The following AGAP1 variants were observed in gnomAD, a reference collection of about 807,000 sequenced individuals.
The protein encoded by AGAP1 is ArfGAP with GTPase domain, ankyrin repeat and PH domain 1.
A neutral mutation model predicts 105.3 loss-of-function variants in AGAP1; 29 were observed. The observed-to-expected ratio is 0.28, with a 90% confidence interval of 0.21 to 0.38. The LOEUF (loss-of-function observed/expected upper bound fraction) is 0.38. Among genes scored for constraint, AGAP1 ranks in the 10% least tolerant of loss-of-function variants. The pLI is 1.00. For missense variants in AGAP1, 998 were observed against 1,165.1 expected (o/e 0.86, Z 2.09); for synonymous variants, 509 against 485.9 (o/e 1.05, Z -0.63).
At position 235,719,834 on chromosome 2, in the gene AGAP1, C is replaced by A. The variant is rs552337151; in HGVS notation, c.310+2190C>A. On this transcript the variant is annotated intron_variant, in intron 3 of 17. Coordinates refer to ENST00000304032, the MANE Select transcript of AGAP1 (RefSeq NM_001037131.3). This position sits in a 1 kb window ranked among gnomAD's most constrained non-coding sequence, Gnocchi z 4.9. ...TGTGAGGAGCTGACAGCAGCAGACA[C>A]CCAGGTGCACCCCAGTGGGTGTGTG... 2.0e-5 allele frequency among the ~76,000 whole-genome samples: 3 copies of A among 152,174 alleles called. No individual in the cohort carries two copies. Among genetic ancestry groups the A allele is most frequent in the Admixed American group, 2.0e-4 (3 of 15,282 alleles).
At chr2:235,913,867 G>C (rs2051744646) in intron 11 of AGAP1, among the ~76,000 whole-genome samples, 1 of 152,200 alleles carries the variant, frequency 6.6e-6, no homozygotes, top group African/African-American at 2.4e-5. Context: ...GCTATGAATT[G>C]TGGAGGAAGT....
chr2:235,770,797 T>G (rs761038070), intron 6 of AGAP1, among the ~76,000 whole-genome samples: 3 of 152,184 alleles, frequency 2.0e-5, no homozygotes, highest in Non-Finnish European at 4.4e-5. Context: ...CAGGAATGTC[T>G]GACCCCTGTA....
chr2:235,716,676 T>A lies in AGAP1; in HGVS notation c.223-881T>A, dbSNP rs542583783. Among the ~76,000 whole-genome samples, 24 of 152,078 alleles carry A rather than the reference T, an allele frequency of 1.6e-4. No individual in the cohort carries two copies. The highest frequency in any genetic ancestry group is 2.9e-4 in the Non-Finnish European group (20 of 68,018). ...AGGTTAAAATGCAGGAGATTTTTGA[T>A]GAGCAGCTTCCCAGAGAAGGCGGCA... is the stretch of plus-strand genomic sequence containing the variant. On this transcript the variant is annotated intron_variant, in intron 2 of 17. Coordinates refer to ENST00000304032, the MANE Select transcript of AGAP1 (RefSeq NM_001037131.3). This position sits in a 1 kb window ranked among gnomAD's most constrained non-coding sequence, Gnocchi z 4.0.
At chr2:235,766,585 C>T (rs78957487) in intron 6 of AGAP1, among the ~76,000 whole-genome samples, 2 of 152,144 alleles carry the variant, frequency 1.3e-5, no homozygotes, top group Admixed American at 1.3e-4. Flanking sequence ...AAAAAAGTTT[C>T]ATTCATTGGA....
At chr2:236,066,141 T>G (rs140852867) in intron 16 of AGAP1, among the ~76,000 whole-genome samples, 2 of 152,372 alleles carry the variant, frequency 1.3e-5, no homozygotes, top group East Asian at 3.9e-4. Context: ...CAAATCCGTT[T>G]ACTGACACAT....
At chr2:236,049,672 TC>T (rs60261607) in intron 16 of AGAP1, 79 of 153,620 alleles carry the variant, frequency 5.1e-4, no homozygotes, top group South Asian at 1.4e-3. Context: ...GCTCTGTCGA[TC>T]CCCCCCCCGC....
chr2:236,123,403 A>T lies in AGAP1; in HGVS notation c.2371-516A>T, dbSNP rs1484288656. On this transcript the variant is annotated intron_variant, in intron 17 of 17. Coordinates refer to ENST00000304032, the MANE Select transcript of AGAP1 (RefSeq NM_001037131.3). This position sits in a 1 kb window ranked among gnomAD's most constrained non-coding sequence, Gnocchi z 4.6. ...GATCACAGTATAGTAATCAATAAAA[A>T]ATGAAAAAAATACAAATTATTTGTA... 1.3e-5 allele frequency among the ~76,000 whole-genome samples: 2 copies of T among 152,054 alleles called. No homozygotes were observed. Among genetic ancestry groups the T allele is most frequent in the East Asian group, 3.9e-4 (2 of 5,192 alleles).
intron 1 of AGAP1, among the ~76,000 whole-genome samples, chr2:235,675,863 A>G (rs1311524492): frequency 2.0e-5 from 3 of 152,212 alleles, no homozygotes; most frequent in Non-Finnish European, 4.4e-5. Context: ...TAAGTCATCA[A>G]AGAGACTTGG....
At position 235,845,103 on chromosome 2, in the gene AGAP1, T is replaced by G. The variant is rs1961317979; in HGVS notation, c.1050+37772T>G. Among the ~76,000 whole-genome samples the G allele has an allele frequency of 6.6e-6, 1 of 152,152 alleles. No homozygotes were observed. The highest frequency in any genetic ancestry group is 2.1e-4 in the South Asian group (1 of 4,834). On this transcript the variant is annotated intron_variant, in intron 9 of 17. Coordinates refer to ENST00000304032, the MANE Select transcript of AGAP1 (RefSeq NM_001037131.3). This position sits in a 1 kb window ranked among gnomAD's most constrained non-coding sequence, Gnocchi z 4.8. ...CAAGGCAGCCTCCTAACAAGTCCTGTGTCATCCTGTTTAGCCGTTCGCTCA... is the reference window on the plus strand; with the variant it reads ...CAAGGCAGCCTCCTAACAAGTCCTGGGTCATCCTGTTTAGCCGTTCGCTCA...
chr2:235,797,997 A>C, intron 7 of AGAP1, 111 bp downstream of exon 7: 1 of 1,335,466 alleles, frequency 7.5e-7, no homozygotes, highest in Non-Finnish European at 1.0e-6. Context: ...CTTTATAAGT[A>C]ACAGCATGTT....
chr2:235,613,143 G>A (rs1304632358), intron 1 of AGAP1, among the ~76,000 whole-genome samples: 1 of 151,780 alleles, frequency 6.6e-6, no homozygotes, highest in Admixed American at 6.6e-5. Flanking sequence ...TTACAGGCAG[G>A]CACCACCATG....
Position 235,744,986 on chromosome 2 carries a change from A to G in AGAP1, c.538+147A>G. 1.1e-6 allele frequency: 1 copy of G among 944,978 alleles called. No homozygotes were observed. Among genetic ancestry groups the G allele is most frequent in the Non-Finnish European group, 1.5e-6 (1 of 652,090 alleles). 58.5% of individuals were successfully genotyped at this position (944,978 alleles called of 1,614,324 possible). A position where few individuals can be genotyped will look rare whatever the true frequency, so the allele number is the denominator to read the frequency against. ...TGGGAAAAATTATGGAACTGAAATG[A>G]TCACATTTCCTGATTTGATTCTATG... On this transcript the variant is annotated intron_variant, in intron 5 of 17. Coordinates refer to ENST00000304032, the MANE Select transcript of AGAP1 (RefSeq NM_001037131.3). The surrounding 1 kb of genome is among the most constrained non-coding windows in gnomAD (Gnocchi z 5.2).
intron 13 of AGAP1, among the ~76,000 whole-genome samples, chr2:236,026,730 GAAAAA>G (rs1266001859): frequency 1.3e-5 from 2 of 151,998 alleles, no homozygotes; most frequent in Admixed American, 1.3e-4. Context: ...CTCCATCTCA[GAAAAA>G]AATAAAAATT....
chr2:235,549,270 C>T lies in AGAP1; in HGVS notation c.163+54421C>T, dbSNP rs534599025. Among the ~76,000 whole-genome samples the T allele has an allele frequency of 7.9e-5, 12 of 152,274 alleles. No individual in the cohort carries two copies. In the East Asian group the frequency reaches 1.9e-3, roughly 24 times the overall value. ...CTGTAGGTGACAAAGCTGGGGGGAACGTGGAGGACAGGGATGACTGGAGAG... is the reference window on the plus strand; with the variant it reads ...CTGTAGGTGACAAAGCTGGGGGGAATGTGGAGGACAGGGATGACTGGAGAG... On this transcript the variant is annotated intron_variant, in intron 1 of 17. Coordinates refer to ENST00000304032, the MANE Select transcript of AGAP1 (RefSeq NM_001037131.3). This position sits in a 1 kb window ranked among gnomAD's most constrained non-coding sequence, Gnocchi z 4.2.
rs1046213434 is a variant in AGAP1, at chr2:235,830,987, G to T, written c.1050+23656G>T. Among the ~76,000 whole-genome samples the T allele has an allele frequency of 6.6e-6, 1 of 151,986 alleles. No homozygotes were observed. The highest frequency in any genetic ancestry group is 2.4e-5 in the African/African-American group (1 of 41,366). ...TCACCTGTGTGTCGCAGGTGTAGGC[G>T]ATACCTGGGAAGCCGTTGTACGGGG... On this transcript the variant is annotated intron_variant, in intron 9 of 17. Transcript: ENST00000304032. The surrounding 1 kb of genome is among the most constrained non-coding windows in gnomAD (Gnocchi z 5.5).
rs1346365632 is a variant in AGAP1 at position 236,109,570 on chromosome 2, C to T, written c.2115-10622C>T. ...GAAATGTCCTAGTCAGCGGCAGCGTCGGTGCTCTGGACCGGCAGCCATGGG... is the reference window on the plus strand; with the variant it reads ...GAAATGTCCTAGTCAGCGGCAGCGTTGGTGCTCTGGACCGGCAGCCATGGG... On this transcript the variant is annotated intron_variant, in intron 16 of 17. Transcript: ENST00000304032. This position sits in a 1 kb window ranked among gnomAD's most constrained non-coding sequence, Gnocchi z 5.4. Among the ~76,000 whole-genome samples, 1 of 152,134 alleles carries T rather than the reference C, an allele frequency of 6.6e-6. No individual in the cohort carries two copies. The highest frequency in any genetic ancestry group is 2.4e-5 in the African/African-American group (1 of 41,440).
intron 16 of AGAP1, among the ~76,000 whole-genome samples, chr2:236,067,794 C>T (rs1019076309): frequency 6.6e-6 from 1 of 152,146 alleles, no homozygotes; most frequent in Admixed American, 6.5e-5. Context: ...CGAGGAAGAG[C>T]GAGTGTTTTT....
chr2:235,876,351 C>G lies in AGAP1; in HGVS notation c.1051-6994C>G, dbSNP rs1575670781. ...TTGTGCTGACCCTTAGATGATAATT[C>G]TTCAAAATGGGATTCTGATTCTGTG... is the stretch of plus-strand genomic sequence containing the variant. On this transcript the variant is annotated intron_variant, in intron 9 of 17. Coordinates refer to ENST00000304032, the MANE Select transcript of AGAP1 (RefSeq NM_001037131.3). Among the ~76,000 whole-genome samples, 3 of 152,294 alleles carry G rather than the reference C, an allele frequency of 2.0e-5. No homozygotes were observed. The East Asian group carries it at 5.8e-4, about 29-fold the overall frequency.
At chr2:235,679,366 T>C (rs146515125) in intron 1 of AGAP1, among the ~76,000 whole-genome samples, 1 of 152,318 alleles carries the variant, frequency 6.6e-6, no homozygotes, top group South Asian at 2.1e-4. Flanking sequence ...TACTATGAGA[T>C]ATACATTTGC....
Sources: allele counts gnomAD v4.1 joint callset (sites outside exome capture counted in the v4.1 genomes callset), GRCh38; gene constraint gnomAD v4.1.1; non-coding constraint Gnocchi (gnomAD v3.1); transcripts MANE v1.5; gene names NCBI Gene and HGNC (gene_info 2026-07-23, HGNC 2026-07-21).